Variants in DGLUCY observed in about 807,000 individuals in gnomAD.
DGLUCY encodes D-glutamate cyclase, mitochondrial.
A neutral mutation model predicts 58.5 loss-of-function variants in DGLUCY; 58 were observed. The ratio of observed to expected loss-of-function variants is 0.99; its 90% CI spans 0.80 to 1.23. The LOEUF (loss-of-function observed/expected upper bound fraction) is 1.23. Among genes scored for constraint, DGLUCY ranks in the 50% most tolerant of loss-of-function variants. The pLI, the probability that DGLUCY is intolerant of heterozygous loss-of-function variation, is 0.00. For synonymous variants in DGLUCY, 325 were observed against 314.1 expected (o/e 1.03, Z -0.37); for missense variants, 779 against 784.7 (o/e 0.99, Z 0.09).
chr14:91,179,115 G>C (rs557990283), intron 7 of DGLUCY, among the ~76,000 whole-genome samples: 11 of 152,284 alleles, frequency 7.2e-5, no homozygotes, highest in African/African-American at 2.6e-4. Context: ...TATGCGCAAG[G>C]CCCTCTGTGG....
At chr14:91,130,765 T>G (rs2045983478) in intron 1 of DGLUCY, among the ~76,000 whole-genome samples, 1 of 151,894 alleles carries the variant, frequency 6.6e-6, no homozygotes, top group African/African-American at 2.4e-5. Flanking sequence ...ACCACAGATG[T>G]GCACCACCAC....
At chr14:91,082,000 A>G (rs1409460195) in intron 1 of DGLUCY, among the ~76,000 whole-genome samples, 1 of 152,132 alleles carries the variant, frequency 6.6e-6, no homozygotes, top group Non-Finnish European at 1.5e-5. Context: ...CATTGGGCCC[A>G]CCCAGAAAAT....
chr14:91,138,024 G>C (rs1018284005), intron 1 of DGLUCY, among the ~76,000 whole-genome samples: 14 of 152,120 alleles, frequency 9.2e-5, no homozygotes, highest in African/African-American at 2.9e-4. Context: ...ACTCTGTTTA[G>C]AGTTTTTATA....
chr14:91,187,215 G>T (rs896764670), intron 8 of DGLUCY, among the ~76,000 whole-genome samples: 4 of 152,068 alleles, frequency 2.6e-5, no homozygotes, highest in African/African-American at 9.7e-5. Flanking sequence ...GACCAGGCTG[G>T]TCTTGAACTC....
At chr14:91,148,897 C>T (rs1486328749) in intron 1 of DGLUCY, 3 of 152,608 alleles carry the variant, frequency 2.0e-5, no homozygotes, top group Non-Finnish European at 4.4e-5. Context: ...TGCAGTAAGC[C>T]GTGATTGTGC....
upstream of DGLUCY, among the ~76,000 whole-genome samples, chr14:91,106,299 C>A (rs1408853655): frequency 1.3e-5 from 2 of 150,898 alleles, no homozygotes; most frequent in African/African-American, 2.5e-5. Flanking sequence ...AAGAGAGAAA[C>A]TCCATTCCCT....
chr14:91,223,965 C>T lies in DGLUCY; in HGVS notation c.1717-719C>T, dbSNP rs186532629. On this transcript the variant is annotated intron_variant, in intron 13 of 13. Transcript: ENST00000256324. ...CCAAACCACTCTGCCTGCTAGGCCC[C>T]GGGCTGCGGCTTCAGGATGGGGGCT... 3.1e-3 allele frequency among the ~76,000 whole-genome samples: 470 copies of T among 152,270 alleles called. 3 individuals are homozygous for T. In the South Asian group the frequency reaches 0.035, roughly 11 times the overall value.
intron 1 of DGLUCY, among the ~76,000 whole-genome samples, chr14:91,118,074 C>T (rs1156349166): frequency 5.2e-5 from 1 of 19,056 alleles, no homozygotes; most frequent in African/African-American, 2.6e-4. Context: ...AAATTCTCCC[C>T]GCCCCCCCCC....
chr14:91,224,631 A>C (rs976729357), intron 13 of DGLUCY, 53 bp from the exon 14 acceptor site: 2 of 1,507,226 alleles, frequency 1.3e-6, no homozygotes, highest in East Asian at 4.6e-5. Flanking sequence ...TATAAAAGAA[A>C]TTTCTTTTTC....
At chr14:91,200,784 T>C (rs2050504854) in intron 11 of DGLUCY, among the ~76,000 whole-genome samples, 1 of 152,100 alleles carries the variant, frequency 6.6e-6, no homozygotes, top group South Asian at 2.1e-4. Context: ...AAACAGGCTT[T>C]GTGTGAGCAA....
chr14:91,202,085 T>C (rs1021002716), intron 11 of DGLUCY, among the ~76,000 whole-genome samples: 9 of 150,408 alleles, frequency 6.0e-5, no homozygotes, highest in African/African-American at 2.2e-4. Context: ...ATAATAATAA[T>C]GTGATAATTT....
Position 91,188,958 on chromosome 14 carries a change from C to T in DGLUCY, c.983C>T (p.Ala328Val). 1 of 1,614,164 alleles carries T rather than the reference C, an allele frequency of 6.2e-7. No individual in the cohort carries two copies. Among genetic ancestry groups the T allele is most frequent in the South Asian group, 1.1e-5 (1 of 91,082 alleles). The change falls in exon 9 of 14, where the codon GCC becomes GTC. Residue 328 changes from alanine to valine, a missense_variant. Ala to Val is a moderately conservative substitution (Grantham distance 64). Coordinates refer to ENST00000256324, the MANE Select transcript of DGLUCY (RefSeq NM_001102368.3). ...CTCTGTAAAGATGAGCTGCTGAAGG[C>T]CTCTCTCTCGCTGTCCCATGCCCGC... ...HLLCKDELLK[A>V]SLSLSHARSV...
At chr14:91,128,309 CA>C (rs34796763) in intron 1 of DGLUCY, among the ~76,000 whole-genome samples, 63,581 of 102,864 alleles carry the variant, frequency 0.62, 17,325 homozygotes, top group East Asian at 0.88. Context: ...CCCATCTCTA[CA>C]AAAAAAAAAA....
At chr14:91,219,623 C>T (rs1013253034) in intron 13 of DGLUCY, among the ~76,000 whole-genome samples, 2 of 152,216 alleles carry the variant, frequency 1.3e-5, no homozygotes, top group African/African-American at 4.8e-5. Flanking sequence ...GAAGCAGGCA[C>T]TATGCTGAGG....
chr14:91,102,404 C>T (rs2044502883), intron 1 of DGLUCY, among the ~76,000 whole-genome samples: 1 of 152,104 alleles, frequency 6.6e-6, no homozygotes, highest in Admixed American at 6.5e-5. Context: ...CATTTTAAGA[C>T]AAGCAGATCA....
chr14:91,108,526 T>TGTGAGAGAGAGAGAGAGAGAGAGAGA (rs1265665234), intron 1 of DGLUCY, among the ~76,000 whole-genome samples: 9 of 52,180 alleles, frequency 1.7e-4, no homozygotes, highest in Non-Finnish European at 3.0e-4. Context: ...TGTGTGTGTG[T>TGTGAGAGAGAGAGAGAGAGAGAGAGA]GAGAGAGAGA....
At chr14:91,197,205 G>C (rs760243778) in intron 10 of DGLUCY, among the ~76,000 whole-genome samples, 1 of 152,142 alleles carries the variant, frequency 6.6e-6, no homozygotes, top group African/African-American at 2.4e-5. Flanking sequence ...GACCTCAAGT[G>C]ATCCACCCAC....
At chr14:91,108,276 C>T (rs1156665438) in intron 1 of DGLUCY, among the ~76,000 whole-genome samples, 1 of 151,840 alleles carries the variant, frequency 6.6e-6, no homozygotes, top group East Asian at 1.9e-4. Flanking sequence ...CTGGGTTCAT[C>T]ATGGAATTTT....
intron 12 of DGLUCY, among the ~76,000 whole-genome samples, chr14:91,208,694 A>G (rs993101193): frequency 6.6e-6 from 1 of 152,158 alleles, no homozygotes; most frequent in African/African-American, 2.4e-5. Context: ...GGCTGCGGTG[A>G]GCCATGATTG....
Sources: gnomAD v4.1 joint callset for allele counts (sites outside exome capture counted in the v4.1 genomes callset) on GRCh38, gnomAD v4.1.1 for gene constraint, MANE v1.5 for transcripts, NCBI Gene and HGNC (gene_info 2026-07-23, HGNC 2026-07-21) for gene names.